MYO7A: variants seen among roughly 807,000 people sequenced by gnomAD.
MYO7A encodes the protein unconventional myosin-VIIa.
Under a neutral mutation model 263.8 loss-of-function variants are expected in MYO7A, and 210 were observed. The ratio of observed to expected loss-of-function variants is 0.80; its 90% CI spans 0.71 to 0.89. MYO7A has a LOEUF of 0.89. Ranked by LOEUF, MYO7A falls within the 40% of genes least tolerant of loss-of-function variation. MYO7A has a pLI of 0.00. For synonymous variants in MYO7A, 1,239 were observed against 1,197.3 expected (o/e 1.03, Z -0.72); for missense variants, 2,820 against 2,968.3 (o/e 0.95, Z 1.16).
chr11:77,131,384 G>A (rs529968746), intron 2 of MYO7A, among the ~76,000 whole-genome samples: 10 of 152,346 alleles, frequency 6.6e-5, no homozygotes, highest in East Asian at 3.9e-4. Flanking sequence ...GAGGCTGCAC[G>A]GACCAGCATG....
chr11:77,159,408 C>T, intron 9 of MYO7A, 39 bp from the exon 10 acceptor site: 1 of 1,058,126 alleles, frequency 9.5e-7, no homozygotes, highest in Non-Finnish European at 1.5e-6. Context: ...CTGTTGCCCA[C>T]CCTCCCTCCC....
rs1957844295 is a variant in MYO7A, at chr11:77,211,226, C to G, written c.6126C>G (p.Tyr2042Ter). ...EEVLQLGALIYRVKFEEDKSY... is the reference protein window; with the variant it reads ...EEVLQLGALI ...TGCTGCAGCTGGGGGCGCTGATCTA[C>G]AGGGTCAAGTTCGAGGAGGACAAGT... is the stretch of plus-strand genomic sequence containing the variant. Residue 2042 changes from tyrosine to a stop codon, truncating the protein, a stop_gained, in exon 45 of 49, where the codon TAC becomes TAG. Coordinates refer to ENST00000409709, the MANE Select transcript of MYO7A (RefSeq NM_000260.4). LOFTEE classifies it high-confidence loss of function. 6.3e-7 allele frequency: 1 copy of G among 1,590,632 alleles called. No individual in the cohort carries two copies. The highest frequency in any genetic ancestry group is 2.3e-5 in the East Asian group (1 of 43,746).
At chr11:77,167,066 T>C (rs1247702584) in intron 15 of MYO7A, among the ~76,000 whole-genome samples, 1 of 152,238 alleles carries the variant, frequency 6.6e-6, no homozygotes, top group Non-Finnish European at 1.5e-5. Flanking sequence ...GGTCCCGAGC[T>C]CCCACTGTGC....
chr11:77,156,111 T>G lies in MYO7A; in HGVS notation c.470+20T>G. On this transcript the variant is annotated intron_variant, in intron 5 of 48. Transcript: ENST00000409709. Reference sequence around the variant, plus strand: ...CATCAGGTGGGCGGCCCAGCACCTGTGTGGAGCTCCAGGCTTAGGACCTAG... The same window carrying G: ...CATCAGGTGGGCGGCCCAGCACCTGGGTGGAGCTCCAGGCTTAGGACCTAG... 6.2e-7 allele frequency: 1 copy of G among 1,612,056 alleles called. No homozygotes were observed. The highest frequency in any genetic ancestry group is 1.1e-5 in the South Asian group (1 of 90,850).
At position 77,155,925 on chromosome 11, in the gene MYO7A, C is replaced by G. The variant is rs1952419433; in HGVS notation, c.304C>G (p.Leu102Val). The G allele has an allele frequency of 6.2e-7, 1 of 1,607,450 alleles. No homozygotes were observed. Among genetic ancestry groups the G allele is most frequent in the Non-Finnish European group, 8.5e-7 (1 of 1,176,338 alleles). Reference protein sequence around the residue: ...HLIYTYTGSILVAVNPYQLLS... With the variant: ...HLIYTYTGSIVVAVNPYQLLS... The stretch of plus-strand genomic sequence containing the variant: ...CCCGCAGACGTATACGGGCTCCATC[C>G]TGGTGGCTGTGAACCCCTACCAGCT... Residue 102 changes from leucine (L) to valine (V), a missense_variant, in exon 5 of 49, where the codon CTG (leucine) becomes GTG (valine). Transcript: ENST00000409709.
chr11:77,179,766 T>C lies in MYO7A; in HGVS notation c.2399T>C (p.Leu800Pro), dbSNP rs782080111. Residue 800 changes from leucine (L) to proline (P), a missense_variant, in exon 21 of 49, where the codon CTG becomes CCG. Leu to Pro is a moderately conservative substitution (Grantham distance 98). Transcript: ENST00000409709. Reference protein sequence around the residue: ...MRLGFLRLQALHRSRKLHQQY... With the variant: ...MRLGFLRLQAPHRSRKLHQQY... Reference sequence around the variant, plus strand: ...CTGGGCTTCCTGCGGCTGCAGGCCCTGCACCGCTCCCGGAAGCTGCACCAG... The same window carrying C: ...CTGGGCTTCCTGCGGCTGCAGGCCCCGCACCGCTCCCGGAAGCTGCACCAG... 6.4e-7 allele frequency: 1 copy of C among 1,551,092 alleles called. No individual in the cohort carries two copies. The highest frequency in any genetic ancestry group is 8.7e-7 in the Non-Finnish European group (1 of 1,149,588).
At chr11:77,184,257 G>T (rs1476925116) in intron 26 of MYO7A, among the ~76,000 whole-genome samples, 3 of 152,220 alleles carry the variant, frequency 2.0e-5, no homozygotes, top group African/African-American at 7.2e-5. Context: ...TAGGGGTCCC[G>T]CTTGGAGTCA....
chr11:77,199,327 G>A (rs1228506466), intron 34 of MYO7A, among the ~76,000 whole-genome samples: 1 of 152,198 alleles, frequency 6.6e-6, no homozygotes, highest in African/African-American at 2.4e-5. Flanking sequence ...GGACTTCCTG[G>A]AGGAAGTGGC....
intron 3 of MYO7A, among the ~76,000 whole-genome samples, chr11:77,143,291 G>A (rs1171478589): frequency 1.3e-5 from 2 of 152,186 alleles, no homozygotes; most frequent in African/African-American, 4.8e-5. Context: ...GAGATCACAC[G>A]TGCAGAACAC....
At chr11:77,173,965 T>C (rs1339130991) in intron 16 of MYO7A, among the ~76,000 whole-genome samples, 3 of 152,088 alleles carry the variant, frequency 2.0e-5, no homozygotes, top group East Asian at 1.9e-4. Context: ...GTCCTCAGCA[T>C]CTGTGGACTG....
intron 22 of MYO7A, 63 bp downstream of exon 22, chr11:77,180,544 T>A (rs1955090330): frequency 7.1e-7 from 1 of 1,405,476 alleles, no homozygotes; most frequent in African/African-American, 1.4e-5. Context: ...TCCCCGAGGC[T>A]GGCTTCTCAT....
chr11:77,129,968 C>T (rs1308334344), intron 1 of MYO7A, among the ~76,000 whole-genome samples: 3 of 148,554 alleles, frequency 2.0e-5, no homozygotes, highest in Non-Finnish European at 4.5e-5. Flanking sequence ...CCTAGCGGGG[C>T]GGGCCCGGGC....
chr11:77,212,225 G>A (rs776524002), intron 46 of MYO7A: 53 of 553,954 alleles, frequency 9.6e-5, no homozygotes, highest in Non-Finnish European at 1.7e-4. Flanking sequence ...CCTCGCCCAG[G>A]TGGCAGAGCT....
chr11:77,143,667 G>C (rs1555052069), intron 3 of MYO7A, among the ~76,000 whole-genome samples: 3 of 152,226 alleles, frequency 2.0e-5, no homozygotes, highest in Non-Finnish European at 4.4e-5. Flanking sequence ...AGCTTAGCAG[G>C]GATATGAAGA....
chr11:77,194,647 C>T (rs1956505529), intron 32 of MYO7A, 123 bp downstream of exon 32: 2 of 1,050,098 alleles, frequency 1.9e-6, no homozygotes, highest in African/African-American at 3.2e-5. Context: ...TCCAGTGGCC[C>T]TTCCTTCATT....
intron 29 of MYO7A, among the ~76,000 whole-genome samples, chr11:77,190,424 A>C (rs534425525): frequency 7.8e-4 from 119 of 152,264 alleles, no homozygotes; most frequent in Non-Finnish European, 1.5e-3. Context: ...GGTGAAGGTT[A>C]TATGAAGTGA....
chr11:77,200,619 C>T (rs541902022), intron 35 of MYO7A, among the ~76,000 whole-genome samples: 126 of 152,330 alleles, frequency 8.3e-4, no homozygotes, highest in African/African-American at 2.8e-3. Context: ...GACCATGCCC[C>T]GTGGCCTTGG....
At position 77,182,415 on chromosome 11, in the gene MYO7A, C is replaced by G. The variant is rs1443681539; in HGVS notation, c.3109-9C>G. Reference sequence around the variant, plus strand: ...CGCTCTGGCCTCTGACATGCGCGCTCTGCCCCAGGCAGCCCTGGCGGTCTG... The same window carrying G: ...CGCTCTGGCCTCTGACATGCGCGCTGTGCCCCAGGCAGCCCTGGCGGTCTG... On this transcript the variant is annotated splice_polypyrimidine_tract_variant and intron_variant, in intron 24 of 48. Transcript: ENST00000409709. 7 of 1,609,488 alleles carry G rather than the reference C, an allele frequency of 4.3e-6. No individual in the cohort carries two copies. In the African/African-American group the frequency reaches 8.0e-5, roughly 18 times the overall value.
At chr11:77,214,052 GAACA>G (rs1565495692) in intron 48 of MYO7A, 73 bp downstream of exon 48, 2 of 1,598,004 alleles carry the variant, frequency 1.3e-6, no homozygotes, top group African/African-American at 2.7e-5. Flanking sequence ...CCAGGGCCTG[GAACA>G]AACACAGTAG....
Sources: gnomAD v4.1 joint callset for allele counts (sites outside exome capture counted in the v4.1 genomes callset) on GRCh38, gnomAD v4.1.1 for gene constraint, MANE v1.5 for transcripts, NCBI Gene and HGNC (gene_info 2026-07-23, HGNC 2026-07-21) for gene names.